Variants in FHIT observed in about 807,000 individuals in gnomAD.
FHIT encodes the protein bis(5'-adenosyl)-triphosphatase.
In FHIT, 19 loss-of-function variants were observed where a neutral mutation model predicts 17.9. The observed-to-expected ratio is 1.06, with a 90% CI of 0.74 to 1.56. FHIT has a LOEUF of 1.56. Ranked by LOEUF, FHIT falls within the 40% of genes most tolerant of loss-of-function variation. The pLI is 0.00. For missense variants in FHIT, 248 were observed against 189.2 expected, an observed-to-expected ratio of 1.31 and a Z score of -1.82; for synonymous variants, 81 against 69.7, an observed-to-expected ratio of 1.16 and a Z score of -0.81.
At chr3:60,805,372 G>T (rs572939384) in intron 4 of FHIT, among the ~76,000 whole-genome samples, 1 of 152,070 alleles carries the variant, frequency 6.6e-6, no homozygotes, top group South Asian at 2.1e-4. Context: ...TTCTCCTGAG[G>T]CCTCTCTCCC....
intron 5 of FHIT, among the ~76,000 whole-genome samples, chr3:60,069,639 G>A (rs1441810647): frequency 6.6e-6 from 1 of 152,048 alleles, no homozygotes. Context: ...GACATTTTGG[G>A]CACTGTGGCT....
intron 3 of FHIT, among the ~76,000 whole-genome samples, chr3:60,891,299 G>A (rs547024723): frequency 6.6e-6 from 1 of 152,156 alleles, no homozygotes; most frequent in Admixed American, 6.5e-5. Context: ...AGTCCATGTT[G>A]CTCAGAAGGG....
intron 5 of FHIT, among the ~76,000 whole-genome samples, chr3:60,532,745 G>C (rs2035832945): frequency 6.6e-6 from 1 of 152,194 alleles, no homozygotes; most frequent in East Asian, 1.9e-4. Context: ...TTTTGAGAAT[G>C]AAGCAAACGA....
intron 5 of FHIT, among the ~76,000 whole-genome samples, chr3:60,362,994 T>C (rs908187428): frequency 6.6e-5 from 10 of 152,122 alleles, no homozygotes. Context: ...GTTGGGTAAA[T>C]CTAGCAATTG....
intron 2 of FHIT, among the ~76,000 whole-genome samples, chr3:61,184,278 G>A (rs1471194838): frequency 6.6e-6 from 1 of 152,048 alleles, no homozygotes; most frequent in Non-Finnish European, 1.5e-5. Flanking sequence ...CACAGACAGT[G>A]CCTCTGGTGT....
chr3:60,473,156 C>A (rs1410398423), intron 5 of FHIT, among the ~76,000 whole-genome samples: 1 of 152,200 alleles, frequency 6.6e-6, no homozygotes, highest in Non-Finnish European at 1.5e-5. Context: ...TAGGTATATG[C>A]ACTTGAAAGT....
At chr3:59,796,169 C>T (rs1044117429) in intron 8 of FHIT, among the ~76,000 whole-genome samples, 1 of 152,114 alleles carries the variant, frequency 6.6e-6, no homozygotes, top group Non-Finnish European at 1.5e-5. Flanking sequence ...AGGCAAGATG[C>T]GGTATGTCTA....
chr3:61,087,402 C>T lies in FHIT; in HGVS notation c.-163-45303G>A, dbSNP rs78908122. ...CTGGAGTGTGACAAACCTAAATCAC[C>T]GCTACATCACTTTCCAGATGTATAA... On this transcript the variant is annotated intron_variant, in intron 2 of 9. Transcript: ENST00000492590. 4.6e-3 allele frequency among the ~76,000 whole-genome samples: 693 copies of T among 152,142 alleles called. 6 individuals are homozygous for T. The highest frequency in any genetic ancestry group is 0.016 in the African/African-American group (659 of 41,534).
chr3:59,912,607 A>G (rs1170082416), intron 8 of FHIT, among the ~76,000 whole-genome samples: 1 of 152,240 alleles, frequency 6.6e-6, no homozygotes, highest in Non-Finnish European at 1.5e-5. Flanking sequence ...AGCCAGTGAA[A>G]TTTCATATAT....
intron 5 of FHIT, among the ~76,000 whole-genome samples, chr3:60,119,108 C>CT (rs1456821445): frequency 6.6e-6 from 1 of 151,990 alleles, no homozygotes; most frequent in East Asian, 1.9e-4. Context: ...GAGTCTCACT[C>CT]TGTCATCCAG....
chr3:60,001,055 T>C (rs1699711477), intron 7 of FHIT, among the ~76,000 whole-genome samples: 2 of 152,214 alleles, frequency 1.3e-5, no homozygotes, highest in South Asian at 4.1e-4. Flanking sequence ...CCATCTAAAG[T>C]AGCCATACCA....
rs113969223 is a variant in FHIT, at chr3:60,512,581, T to C, written c.103+24279A>G. 7.5e-3 allele frequency among the ~76,000 whole-genome samples: 820 copies of C among 109,324 alleles called. 6 individuals are homozygous for C. The highest frequency in any genetic ancestry group is 0.022 in the African/African-American group (768 of 34,752). 71.7% of individuals were successfully genotyped at this position (109,324 alleles called of 152,430 possible). On this transcript the variant is annotated intron_variant, in intron 5 of 9. Transcript: ENST00000492590. ...ATATAATAATTAAAAAGAAAAAAAC[T>C]GTGTCTTTTACAGTGGGGTAATCTG...
chr3:60,480,322 G>A (rs1249507859), intron 5 of FHIT, among the ~76,000 whole-genome samples: 1 of 152,168 alleles, frequency 6.6e-6, no homozygotes, highest in Non-Finnish European at 1.5e-5. Context: ...GAGGAGATTT[G>A]AATGGCAAGA....
At chr3:59,880,332 T>G (rs1203955857) in intron 8 of FHIT, among the ~76,000 whole-genome samples, 4 of 152,150 alleles carry the variant, frequency 2.6e-5, no homozygotes, top group Non-Finnish European at 5.9e-5. Flanking sequence ...AGCTTAAATC[T>G]TCCCCAAGGA....
intron 8 of FHIT, among the ~76,000 whole-genome samples, chr3:59,790,522 CTCTCTCTGTG>C (rs772526251): frequency 6.9e-6 from 1 of 145,426 alleles, no homozygotes; most frequent in Admixed American, 6.9e-5. Context: ...CTCTCTCTCT[CTCTCTCTGTG>C]TGTGTGTGTG....
At chr3:60,488,532 G>C (rs1164927633) in intron 5 of FHIT, among the ~76,000 whole-genome samples, 1 of 152,136 alleles carries the variant, frequency 6.6e-6, no homozygotes, top group Non-Finnish European at 1.5e-5. Flanking sequence ...TGAGGATCTA[G>C]ACATTGGTTC....
chr3:60,848,860 A>G (rs1457967405), intron 3 of FHIT, among the ~76,000 whole-genome samples: 2 of 152,090 alleles, frequency 1.3e-5, no homozygotes, highest in Admixed American at 1.3e-4. Context: ...AGTAGATGTT[A>G]CTCCCAAATA....
At chr3:60,165,138 G>T (rs1317835371) in intron 5 of FHIT, among the ~76,000 whole-genome samples, 1 of 152,140 alleles carries the variant, frequency 6.6e-6, no homozygotes, top group African/African-American at 2.4e-5. Context: ...TGACAAACAG[G>T]AACAGCAGGC....
intron 2 of FHIT, among the ~76,000 whole-genome samples, chr3:61,075,254 C>T (rs2034936831): frequency 6.6e-6 from 1 of 152,024 alleles, no homozygotes; most frequent in Admixed American, 6.6e-5. Context: ...ACCCTCACTG[C>T]CCATTGGTTT....
Sources: gnomAD v4.1 joint callset for allele counts (sites outside exome capture counted in the v4.1 genomes callset) on GRCh38, gnomAD v4.1.1 for gene constraint, MANE v1.5 for transcripts, NCBI Gene and HGNC (gene_info 2026-07-23, HGNC 2026-07-21) for gene names.